Variants in PIAS4 observed in about 807,000 individuals in gnomAD.
The protein encoded by PIAS4 is E3 SUMO-protein ligase PIAS4.
In PIAS4, 7 loss-of-function variants were observed where a neutral mutation model predicts 58.0. That is an observed-to-expected ratio of 0.12 (90% confidence interval 0.07 to 0.23). The LOEUF is 0.23. Among genes scored for constraint, PIAS4 ranks in the 10% least tolerant of loss-of-function variants. The pLI, the probability that PIAS4 is intolerant of heterozygous loss-of-function variation, is 1.00. For synonymous variants in PIAS4, 364 were observed against 312.4 expected, an observed-to-expected ratio of 1.17 and a Z score of -1.74; for missense variants, 550 against 709.5, an observed-to-expected ratio of 0.78 and a Z score of 2.55.
intron 2 of PIAS4, among the ~76,000 whole-genome samples, chr19:4,015,873 TCA>T (rs1487615095): frequency 6.6e-6 from 1 of 152,112 alleles, no homozygotes; most frequent in Non-Finnish European, 1.5e-5. Context: ...GAGCCATAAA[TCA>T]CGCGGTGCGG....
intron 2 of PIAS4, among the ~76,000 whole-genome samples, chr19:4,014,260 C>T (rs1159060051): frequency 6.6e-6 from 1 of 152,180 alleles, no homozygotes; most frequent in Non-Finnish European, 1.5e-5. Flanking sequence ...TGTGTCAGGA[C>T]CTCATAGCCC....
chr19:4,024,452 C>G (rs1021692433), intron 3 of PIAS4, among the ~76,000 whole-genome samples: 5 of 152,232 alleles, frequency 3.3e-5, no homozygotes, highest in African/African-American at 4.8e-5. Context: ...CACGCCATGA[C>G]AAGAACACAC....
chr19:4,020,541 G>T (rs150498011), intron 2 of PIAS4, among the ~76,000 whole-genome samples: 5 of 152,344 alleles, frequency 3.3e-5, no homozygotes, highest in Admixed American at 6.5e-5. Flanking sequence ...AAACAAATAG[G>T]TGTTTACTCA....
At chr19:4,019,320 GCC>G (rs2040085725) in intron 2 of PIAS4, among the ~76,000 whole-genome samples, 1 of 152,264 alleles carries the variant, frequency 6.6e-6, no homozygotes, top group Non-Finnish European at 1.5e-5. Context: ...CACCTCCCAG[GCC>G]CCCAGCAGAG....
intron 7 of PIAS4, among the ~76,000 whole-genome samples, chr19:4,030,719 C>A (rs796416262): frequency 1.3e-5 from 2 of 152,172 alleles, no homozygotes; most frequent in Non-Finnish European, 2.9e-5. Context: ...CCCTGCCTGG[C>A]GGCTGTGTGG....
intron 2 of PIAS4, among the ~76,000 whole-genome samples, chr19:4,019,028 C>G (rs1444585029): frequency 6.6e-6 from 1 of 152,066 alleles, no homozygotes; most frequent in Non-Finnish European, 1.5e-5. Context: ...GGGGCGGGCT[C>G]TGGCTGCTGA....
chr19:4,029,712 C>T (rs1314049864), intron 7 of PIAS4, among the ~76,000 whole-genome samples: 4 of 151,108 alleles, frequency 2.6e-5, no homozygotes, highest in East Asian at 3.9e-4. Flanking sequence ...GTGGTGGGAT[C>T]GTGGCTCACT....
intron 2 of PIAS4, among the ~76,000 whole-genome samples, chr19:4,015,603 C>T (rs556676410): frequency 9.8e-5 from 15 of 152,290 alleles, no homozygotes; most frequent in Admixed American, 6.5e-4. Flanking sequence ...CCCCTGGCCC[C>T]GAAGCAGTGG....
At chr19:4,020,092 A>G (rs1041460697) in intron 2 of PIAS4, among the ~76,000 whole-genome samples, 1 of 151,698 alleles carries the variant, frequency 6.6e-6, no homozygotes, top group Non-Finnish European at 1.5e-5. Flanking sequence ...AATTTTTTGT[A>G]TTTTTAGTAG....
At chr19:4,009,921 C>G (rs1303432434) in intron 1 of PIAS4, among the ~76,000 whole-genome samples, 1 of 152,156 alleles carries the variant, frequency 6.6e-6, no homozygotes, top group East Asian at 1.9e-4. Flanking sequence ...CAGCGTTTCG[C>G]ACAGATCTCC....
intron 9 of PIAS4, among the ~76,000 whole-genome samples, chr19:4,034,658 C>T (rs149719494): frequency 3.3e-5 from 5 of 152,338 alleles, no homozygotes; most frequent in African/African-American, 1.2e-4. Flanking sequence ...GCTGTGCAGC[C>T]GGGTGCCCGC....
chr19:4,027,291 C>G (rs57659210), intron 3 of PIAS4, among the ~76,000 whole-genome samples: 13,870 of 152,218 alleles, frequency 0.091, 2,111 homozygotes, highest in African/African-American at 0.32. Context: ...CTTGTGTGTC[C>G]TTTCGTGTCT....
At chr19:4,021,104 C>A (rs569422689) in intron 2 of PIAS4, among the ~76,000 whole-genome samples, 7 of 152,250 alleles carry the variant, frequency 4.6e-5, no homozygotes, top group Admixed American at 3.3e-4. Flanking sequence ...CCAGTCCTTT[C>A]ATTTTAGCCA....
intron 9 of PIAS4, among the ~76,000 whole-genome samples, chr19:4,035,072 AG>A (rs2144941967): frequency 6.6e-6 from 1 of 152,162 alleles, no homozygotes; most frequent in Non-Finnish European, 1.5e-5. Flanking sequence ...CAGTTTTGCA[AG>A]CAGGGAAGTG....
chr19:4,010,829 C>T (rs561041714), intron 1 of PIAS4, among the ~76,000 whole-genome samples: 1 of 152,372 alleles, frequency 6.6e-6, no homozygotes, highest in South Asian at 2.1e-4. Flanking sequence ...TCTTTACAGT[C>T]ACGGGGCCCC....
chr19:4,015,806 G>C (rs551056016), intron 2 of PIAS4, among the ~76,000 whole-genome samples: 2 of 152,322 alleles, frequency 1.3e-5, no homozygotes, highest in Non-Finnish European at 2.9e-5. Context: ...GCTCTGGTCT[G>C]TTTCCCCGGA....
intron 2 of PIAS4, among the ~76,000 whole-genome samples, chr19:4,019,078 A>G (rs1413192686): frequency 6.6e-6 from 1 of 152,044 alleles, no homozygotes; most frequent in East Asian, 1.9e-4. Flanking sequence ...ACCGGGCGGG[A>G]TTTGAAAACA....
chr19:4,033,616 G>T (rs12460140), intron 9 of PIAS4, 36 bp downstream of exon 9: 7 of 1,547,388 alleles, frequency 4.5e-6, no homozygotes, highest in Admixed American at 3.8e-5. Flanking sequence ...GGCCGGAGCC[G>T]GACATCCGTG....
chr19:4,032,196 C>G (rs966972301), intron 7 of PIAS4, among the ~76,000 whole-genome samples: 2 of 151,746 alleles, frequency 1.3e-5, no homozygotes. Context: ...AACGTCAGGA[C>G]AGCTGGGGGG....
Sources: allele counts gnomAD v4.1 joint callset (sites outside exome capture counted in the v4.1 genomes callset), GRCh38; gene constraint gnomAD v4.1.1; transcripts MANE v1.5; gene names NCBI Gene and HGNC (gene_info 2026-07-23, HGNC 2026-07-21).